The following ETFDH variants were observed in gnomAD, a reference collection of about 807,000 sequenced individuals.
The protein encoded by ETFDH is electron transfer flavoprotein dehydrogenase, also known as electron transfer flavoprotein-ubiquinone oxidoreductase, mitochondrial.
ETFDH carries 61 observed loss-of-function variants against 73.2 expected under a neutral mutation model. The observed-to-expected ratio is 0.83, with a 90% CI of 0.68 to 1.03. The LOEUF is 1.03. Among genes scored for constraint, ETFDH ranks in the 50% least tolerant of loss-of-function variants. The probability of loss-of-function intolerance (pLI) is 0.00; values close to 1 mark genes in which losing one functional copy is unlikely to be tolerated. For synonymous variants in ETFDH, 243 were observed against 253.3 expected, an observed-to-expected ratio of 0.96 and a Z score of 0.39; for missense variants, 685 against 745.0, an observed-to-expected ratio of 0.92 and a Z score of 0.94.
intron 6 of ETFDH, among the ~76,000 whole-genome samples, chr4:158,691,835 T>C (rs1037017180): frequency 6.6e-6 from 1 of 152,182 alleles, no homozygotes; most frequent in Non-Finnish European, 1.5e-5. Flanking sequence ...TCCTATAATA[T>C]GAACAAAACA....
chr4:158,703,869 G>A (rs529702027), intron 10 of ETFDH, among the ~76,000 whole-genome samples: 1 of 152,330 alleles, frequency 6.6e-6, no homozygotes, highest in Non-Finnish European at 1.5e-5. Context: ...GGCTGAGGCG[G>A]GTGGATCATC....
chr4:158,676,422 G>C (rs1250910324), intron 1 of ETFDH, among the ~76,000 whole-genome samples: 2 of 152,168 alleles, frequency 1.3e-5, no homozygotes, highest in Non-Finnish European at 2.9e-5. Flanking sequence ...ATTTGGGAAG[G>C]TTCAGAATCT....
intron 5 of ETFDH, among the ~76,000 whole-genome samples, chr4:158,689,074 A>G (rs1045086347): frequency 2.0e-5 from 3 of 152,248 alleles, no homozygotes; most frequent in Admixed American, 2.0e-4. Flanking sequence ...CAGTTTAAAA[A>G]GACTGCCATG....
At chr4:158,705,614 T>C (rs1774588787) in intron 10 of ETFDH, among the ~76,000 whole-genome samples, 1 of 152,236 alleles carries the variant, frequency 6.6e-6, no homozygotes, top group Non-Finnish European at 1.5e-5. Flanking sequence ...AAAGCTTCTT[T>C]CTCGGTTTCA....
At position 158,690,059 on chromosome 4, in the gene ETFDH, G is replaced by A. The variant is rs72969646; in HGVS notation, c.607-289G>A. ...ATTTGACATCTGAAGGGCACTTCTTGTTTAATCTTACTGGTTTCCCTAGTA... is the reference window on the plus strand; with the variant it reads ...ATTTGACATCTGAAGGGCACTTCTTATTTAATCTTACTGGTTTCCCTAGTA... On this transcript the variant is annotated intron_variant, in intron 5 of 12. Transcript: ENST00000511912. 5.1e-3 allele frequency among the ~76,000 whole-genome samples: 774 copies of A among 152,180 alleles called. 4 individuals carry two copies. Among genetic ancestry groups the A allele is most frequent in the African/African-American group, 0.018 (756 of 41,518 alleles).
intron 5 of ETFDH, among the ~76,000 whole-genome samples, chr4:158,687,165 T>C (rs1353038668): frequency 1.3e-5 from 2 of 152,208 alleles, no homozygotes; most frequent in East Asian, 3.8e-4. Flanking sequence ...ACTTCAGTCA[T>C]TCTTCCTGCA....
At chr4:158,690,912 TTAAAATGTCA>T (rs1350060738) in intron 6 of ETFDH, among the ~76,000 whole-genome samples, 1 of 151,346 alleles carries the variant, frequency 6.6e-6, no homozygotes, top group Non-Finnish European at 1.5e-5. Flanking sequence ...ATAAAAATTT[TTAAAATGTCA>T]AAAAATGTGG....
rs201049444 is a variant in ETFDH, at chr4:158,690,383, T to G, written c.642T>G (p.Ile214Met). ...ATGATGATGGTAGTGTAAAAGGAAT[T>G]GCCACTAACGATGTAGGGATACAAA... Reference protein sequence around the residue: ...LFHDDGSVKGIATNDVGIQKD... With the variant: ...LFHDDGSVKGMATNDVGIQKD... Residue 214 changes from isoleucine to methionine, a missense_variant, in exon 6 of 13, where the codon ATT becomes ATG. Physicochemically the swap from Ile to Met is conservative, Grantham distance 10. This residue lies in a region of ETFDH where 405 missense variants were observed against 399.3 expected (regional missense o/e 1.01). Transcript: ENST00000511912. The G allele has an allele frequency of 3.1e-6, 5 of 1,605,376 alleles. No individual in the cohort carries two copies. The South Asian group carries it at 5.5e-5, about 18-fold the overall frequency.
chr4:158,700,245 TTAAAA>T (rs1434863813), intron 9 of ETFDH, among the ~76,000 whole-genome samples: 2 of 152,142 alleles, frequency 1.3e-5, no homozygotes, highest in African/African-American at 4.8e-5. Context: ...CACTAGAATC[TTAAAA>T]TAATGCTGTC....
chr4:158,685,695 TAGAC>T (rs1169632345), intron 5 of ETFDH, among the ~76,000 whole-genome samples: 1 of 152,106 alleles, frequency 6.6e-6, no homozygotes, highest in African/African-American at 2.4e-5. Context: ...GAACTGACAA[TAGAC>T]AGAGTAATAG....
chr4:158,706,031 T>C (rs1774601005), intron 10 of ETFDH, among the ~76,000 whole-genome samples, 158 bp from the exon 11 acceptor site: 1 of 152,162 alleles, frequency 6.6e-6, no homozygotes, highest in African/African-American at 2.4e-5. Context: ...CAGTGAGCCA[T>C]GATCACACCA....
intron 5 of ETFDH, 142 bp downstream of exon 5, chr4:158,685,361 G>A (rs1189014199): frequency 1.6e-6 from 1 of 625,514 alleles, no homozygotes; most frequent in African/African-American, 1.9e-5. Flanking sequence ...AATCTTTAAA[G>A]TATCTAATCC....
chr4:158,691,488 C>A (rs1048006785), intron 6 of ETFDH, among the ~76,000 whole-genome samples: 1 of 152,164 alleles, frequency 6.6e-6, no homozygotes, highest in East Asian at 1.9e-4. Flanking sequence ...CCATACCTGG[C>A]TACTTTTTGT....
At chr4:158,691,287 T>A (rs779347440) in intron 6 of ETFDH, among the ~76,000 whole-genome samples, 1 of 152,246 alleles carries the variant, frequency 6.6e-6, no homozygotes, top group Non-Finnish European at 1.5e-5. Context: ...TGCATTACTA[T>A]CAGTAGGTAA....
rs530332578 is a variant in ETFDH, at chr4:158,694,594, C to CA, written c.685-888dup. Among the ~76,000 whole-genome samples, 682 of 96,530 alleles carry CA rather than the reference C, an allele frequency of 7.1e-3. 8 individuals are homozygous for CA. The highest frequency in any genetic ancestry group is 0.011 in the South Asian group (34 of 3,070). The allele number at this position is 96,530 out of a possible 152,430, so 63.3% of individuals were successfully genotyped here. On this transcript the variant is annotated intron_variant, in intron 6 of 12. Coordinates refer to ENST00000511912, the MANE Select transcript of ETFDH (RefSeq NM_004453.4). ...GGGCAACAAGAGCACAACTCTGTCT[C>CA]AAAAAAAAAAAAAAATTAAAAAATT...
chr4:158,679,909 T>C (rs1470941725), intron 1 of ETFDH: 1 of 134,716 alleles, frequency 7.4e-6, no homozygotes, highest in Non-Finnish European at 1.6e-5. Flanking sequence ...GCATCTCTAC[T>C]AAAAAAAAAA....
At chr4:158,685,759 T>A (rs1252245019) in intron 5 of ETFDH, among the ~76,000 whole-genome samples, 1 of 152,194 alleles carries the variant, frequency 6.6e-6, no homozygotes, top group East Asian at 1.9e-4. Flanking sequence ...AAGAGAATGA[T>A]GACCCGATAA....
chr4:158,685,187 G>A lies in ETFDH; in HGVS notation c.574G>A (p.Val192Ile), dbSNP rs1318270747. 1.2e-6 allele frequency: 2 copies of A among 1,609,914 alleles called. No homozygotes were observed. The highest frequency in any genetic ancestry group is 1.1e-5 in the South Asian group (1 of 90,970). Reference protein sequence around the residue: ...WMGEQAEALGVEVYPGYAAAE... With the variant: ...WMGEQAEALGIEVYPGYAAAE... The stretch of plus-strand genomic sequence containing the variant: ...GGGCGAACAAGCAGAAGCCCTTGGT[G>A]TTGAAGTATACCCTGGTTATGCAGC... Residue 192 changes from valine to isoleucine, a missense_variant, in exon 5 of 13, where the codon GTT (valine) becomes ATT (isoleucine). Physicochemically the swap from Val to Ile is conservative, Grantham distance 29 (BLOSUM62 3). Around this residue, in one of 3 missense-constraint regions of ETFDH, gnomAD observed 405 missense variants for 399.3 expected, o/e 1.01. Coordinates refer to ENST00000511912, the MANE Select transcript of ETFDH (RefSeq NM_004453.4).
intron 1 of ETFDH, among the ~76,000 whole-genome samples, chr4:158,673,059 T>C (rs1229877359): frequency 6.6e-6 from 1 of 152,182 alleles, no homozygotes; most frequent in African/African-American, 2.4e-5. Flanking sequence ...ATCCCAGCAC[T>C]CTGGGAGGCT....
Sources: allele counts gnomAD v4.1 joint callset (sites outside exome capture counted in the v4.1 genomes callset), GRCh38; gene constraint gnomAD v4.1.1; regional missense constraint gnomAD v4.1.1; transcripts MANE v1.5; gene names NCBI Gene and HGNC (gene_info 2026-07-23, HGNC 2026-07-21).